Variants in TAF12 observed in about 807,000 individuals in gnomAD.
The protein encoded by TAF12 is TATA-box binding protein associated factor 12, also known as transcription initiation factor TFIID subunit 12.
TAF12 carries 3 observed loss-of-function variants against 20.8 expected under a neutral mutation model. That is an observed-to-expected ratio of 0.14 (90% confidence interval 0.07 to 0.37). The LOEUF is 0.37. Ranked by LOEUF, TAF12 falls within the 10% of genes least tolerant of loss-of-function variation. TAF12 has a pLI of 1.00. For missense variants in TAF12, 131 were observed against 197.9 expected (o/e 0.66, Z 2.03); for synonymous variants, 69 against 70.2 (o/e 0.98, Z 0.09).
In TAF12 at chr1:28,622,048, G is replaced by A. The variant is rs1667237478; in HGVS notation, c.34C>T (p.Leu12Phe). The change falls in exon 2 of 6, where the codon CTC (leucine) becomes TTC (phenylalanine). Residue 12 changes from leucine (L) to phenylalanine (F), a missense_variant. Leu to Phe is a conservative substitution (Grantham distance 22, BLOSUM62 0). This residue lies in a region of TAF12 where 63 missense variants were observed against 72.1 expected (regional missense o/e 0.87). Coordinates refer to ENST00000373824, the MANE Select transcript of TAF12 (RefSeq NM_005644.4). ...GGTTTTATGGATGAGAAATTGGAGA[G>A]GTTGATTAGGGCTGAGGGGCCAAAC... ...NQFGPSALIN[L>F]SNFSSIKPEP... 1 of 1,613,792 alleles carries A rather than the reference G, an allele frequency of 6.2e-7. No individual in the cohort carries two copies. The highest frequency in any genetic ancestry group is 1.1e-5 in the South Asian group (1 of 91,048).
At chr1:28,612,567 CAT>C (rs56283961) in intron 4 of TAF12, among the ~76,000 whole-genome samples, 1 of 145,568 alleles carries the variant, frequency 6.9e-6, no homozygotes, top group African/African-American at 2.5e-5. Flanking sequence ...TAAATATATA[CAT>C]ATATATACAT....
intron 2 of TAF12, among the ~76,000 whole-genome samples, chr1:28,620,097 G>A (rs1396527473): frequency 6.6e-6 from 1 of 151,596 alleles, no homozygotes; most frequent in Non-Finnish European, 1.5e-5. Context: ...TTTCTGTGAT[G>A]AACACATATA....
intron 1 of TAF12, among the ~76,000 whole-genome samples, chr1:28,637,292 C>A (rs976795539): frequency 6.6e-6 from 1 of 151,888 alleles, no homozygotes; most frequent in East Asian, 1.9e-4. Flanking sequence ...CAGGCTCGAG[C>A]GCAGTGGCAC....
chr1:28,610,932 C>T (rs1666833135), intron 4 of TAF12, among the ~76,000 whole-genome samples: 1 of 146,998 alleles, frequency 6.8e-6, no homozygotes, highest in African/African-American at 2.5e-5. Context: ...TGCACTCCAG[C>T]CTGGGCAACA....
intron 2 of TAF12, among the ~76,000 whole-genome samples, chr1:28,619,948 CAA>C (rs879307972): frequency 5.9e-5 from 6 of 101,012 alleles, no homozygotes; most frequent in African/African-American, 7.4e-5. Context: ...GACTCTGTCT[CAA>C]AAAAAAAAAA....
chr1:28,633,029 AT>A (rs897231650), intron 1 of TAF12, among the ~76,000 whole-genome samples: 371 of 144,882 alleles, frequency 2.6e-3, no homozygotes, highest in African/African-American at 8.2e-3. Context: ...ATGCCCAGCT[AT>A]TTTTTTTTTT....
At chr1:28,629,655 G>C (rs546896979) in intron 1 of TAF12, among the ~76,000 whole-genome samples, 1 of 152,034 alleles carries the variant, frequency 6.6e-6, no homozygotes, top group South Asian at 2.1e-4. Context: ...TTGTTTGTTT[G>C]TTTGCAGAGA....
At position 28,602,877 on chromosome 1, in the gene TAF12, G is replaced by C. The variant is rs1005894031; in HGVS notation, c.*662C>G. On this transcript the variant is annotated 3_prime_UTR_variant, in exon 6 of 6. Transcript: ENST00000373824. ...AAAACAAGGATGCCTCTTCAGTTGA[G>C]GGCCGTGAGAGAAGGTCACCCTACT... 1.4e-4 allele frequency: 22 copies of C among 152,108 alleles called. No homozygotes were observed. The highest frequency in any genetic ancestry group is 4.8e-4 in the African/African-American group (20 of 41,516). 9.4% of individuals were successfully genotyped at this position (152,108 alleles called of 1,614,324 possible). A position where few individuals can be genotyped will look rare whatever the true frequency, so the allele number is the denominator to read the frequency against.
intron 1 of TAF12, among the ~76,000 whole-genome samples, chr1:28,633,014 C>A (rs888418108): frequency 6.6e-6 from 1 of 151,912 alleles, no homozygotes; most frequent in East Asian, 1.9e-4. Context: ...CAGGTATACA[C>A]CACCATGCCC....
At chr1:28,608,054 G>A (rs1245980363) in intron 4 of TAF12, among the ~76,000 whole-genome samples, 3 of 151,836 alleles carry the variant, frequency 2.0e-5, no homozygotes, top group South Asian at 2.1e-4. Context: ...TTGAACAGCC[G>A]GGCGTGATGG....
At chr1:28,611,126 T>A (rs577490699) in intron 4 of TAF12, among the ~76,000 whole-genome samples, 1 of 152,136 alleles carries the variant, frequency 6.6e-6, no homozygotes, top group African/African-American at 2.4e-5. Flanking sequence ...GGGATGTTAG[T>A]TCTGGGAGCC....
chr1:28,645,333 CCTCTT>C (rs1037299435), upstream of TAF12, among the ~76,000 whole-genome samples: 1 of 149,918 alleles, frequency 6.7e-6, no homozygotes, highest in African/African-American at 2.5e-5. Context: ...CTGCGCCCGG[CCTCTT>C]CTTTTTTTTT....
At chr1:28,641,480 C>A (rs1461937637) in intron 1 of TAF12, among the ~76,000 whole-genome samples, 1 of 151,654 alleles carries the variant, frequency 6.6e-6, no homozygotes, top group African/African-American at 2.4e-5. Flanking sequence ...CTCAAAAAAA[C>A]AAAACAAAAC....
chr1:28,628,856 T>G (rs1212886918), intron 1 of TAF12, among the ~76,000 whole-genome samples: 3 of 152,212 alleles, frequency 2.0e-5, no homozygotes, highest in Admixed American at 1.3e-4. Context: ...GCGGATCACC[T>G]GAGGTTGGGA....
At chr1:28,631,099 A>G (rs1166147236) in intron 1 of TAF12, among the ~76,000 whole-genome samples, 2 of 152,160 alleles carry the variant, frequency 1.3e-5, no homozygotes, top group African/African-American at 4.8e-5. Context: ...AATATGTATA[A>G]ATCACATATC....
At chr1:28,621,259 A>G (rs1200866777) in intron 2 of TAF12, among the ~76,000 whole-genome samples, 2 of 152,118 alleles carry the variant, frequency 1.3e-5, no homozygotes, top group Non-Finnish European at 1.5e-5. Flanking sequence ...GGGCGAACTC[A>G]TCCATTCTAC....
Position 28,604,739 on chromosome 1 carries a change from T to C in TAF12, c.450+633A>G, listed in dbSNP as rs193194359. 2.3e-3 allele frequency among the ~76,000 whole-genome samples: 350 copies of C among 152,208 alleles called. 1 individual carries two copies. The highest frequency in any genetic ancestry group is 0.01 in the Middle Eastern group (3 of 294). On this transcript the variant is annotated intron_variant, in intron 5 of 5. Coordinates refer to ENST00000373824, the MANE Select transcript of TAF12 (RefSeq NM_005644.4). ...CTGCTAAGCTTGGAAAAAGCTCACG[T>C]TTCAAATCAGAGTAGCCACTTAAGT...
rs1339823666 is a variant in TAF12, at chr1:28,613,326, A to C, written c.282T>G (p.Ser94Arg). Residue 94 changes from serine (S) to arginine (R), a missense_variant, in exon 4 of 6, where the codon AGT (serine) becomes AGG (arginine). Physicochemically the swap from Ser to Arg is moderately radical, Grantham distance 110. This residue lies in a region of TAF12 where 60 missense variants were observed against 90.2 expected (regional missense o/e 0.66). Transcript: ENST00000373824. ...LLQIADDFIESVVTAACQLAR... is the reference protein window; with the variant it reads ...LLQIADDFIERVVTAACQLAR... ...CAAGCTGACAGGCTGCTGTCACCACACTCTCGATAAAATCATCAGCAATCT... is the reference window on the plus strand; with the variant it reads ...CAAGCTGACAGGCTGCTGTCACCACCCTCTCGATAAAATCATCAGCAATCT... The C allele has an allele frequency of 2.3e-5, 37 of 1,611,574 alleles. No individual in the cohort carries two copies. The highest frequency in any genetic ancestry group is 2.8e-5 in the Non-Finnish European group (33 of 1,179,140).
chr1:28,625,193 A>T (rs986313034), intron 1 of TAF12, among the ~76,000 whole-genome samples: 2 of 152,182 alleles, frequency 1.3e-5, no homozygotes, highest in South Asian at 4.1e-4. Flanking sequence ...ATTGCACAAA[A>T]TAAGTGGAGA....
Sources: allele counts gnomAD v4.1 joint callset (sites outside exome capture counted in the v4.1 genomes callset), GRCh38; gene constraint gnomAD v4.1.1; regional missense constraint gnomAD v4.1.1; transcripts MANE v1.5; gene names NCBI Gene and HGNC (gene_info 2026-07-23, HGNC 2026-07-21).